SH3RF3: variants seen among roughly 807,000 people sequenced by gnomAD.
SH3RF3 encodes the protein SH3 domain containing ring finger 3, also known as E3 ubiquitin-protein ligase SH3RF3.
Under a neutral mutation model 66.3 loss-of-function variants are expected in SH3RF3, and 29 were observed. The observed-to-expected ratio is 0.44, with a 90% CI of 0.33 to 0.60. The LOEUF (loss-of-function observed/expected upper bound fraction) is 0.60, where lower values mean the gene tolerates loss of function less well. Among genes scored for constraint, SH3RF3 ranks in the 20% least tolerant of loss-of-function variants. SH3RF3 has a pLI of 0.04. For missense variants in SH3RF3, 1,194 were observed against 1,190.9 expected, an observed-to-expected ratio of 1.00 and a Z score of -0.04; for synonymous variants, 583 against 532.0, an observed-to-expected ratio of 1.10 and a Z score of -1.32.
Position 109,456,163 on chromosome 2 carries a change from G to A in SH3RF3, c.2148+6674G>A, listed in dbSNP as rs116298231. Reference sequence around the variant, plus strand: ...GTCTCATGGTCAGCCATGGGCCATGGAAACCACCTCTGCCCTGGCCACTTG... The same window carrying A: ...GTCTCATGGTCAGCCATGGGCCATGAAAACCACCTCTGCCCTGGCCACTTG... On this transcript the variant is annotated intron_variant, in intron 8 of 9. Transcript: ENST00000309415. Among the ~76,000 whole-genome samples, 727 of 152,314 alleles carry A rather than the reference G, an allele frequency of 4.8e-3. 4 individuals carry two copies. Among genetic ancestry groups the A allele is most frequent in the African/African-American group, 0.017 (694 of 41,576 alleles).
chr2:109,363,311 G>A (rs150345042), intron 2 of SH3RF3, among the ~76,000 whole-genome samples: 5 of 152,120 alleles, frequency 3.3e-5, no homozygotes, highest in African/African-American at 1.2e-4. Flanking sequence ...TCAAATAACT[G>A]TGCTGCTTTG....
chr2:109,432,072 A>T (rs771490485), intron 5 of SH3RF3, among the ~76,000 whole-genome samples: 47 of 152,170 alleles, frequency 3.1e-4, no homozygotes, highest in Admixed American at 6.5e-4. Flanking sequence ...AGCTTAGCTC[A>T]CCCTCAGTTT....
In SH3RF3 at chr2:109,347,792, G is replaced by C. The variant is rs1467245389; in HGVS notation, c.692G>C (p.Trp231Ser). 22 of 1,613,978 alleles carry C rather than the reference G, an allele frequency of 1.4e-5. No homozygotes were observed. Among genetic ancestry groups the C allele is most frequent in the Non-Finnish European group, 1.9e-5 (22 of 1,179,872 alleles). The stretch of plus-strand genomic sequence containing the variant: ...CTGCGGCGCAAGGTGGATGAACAGT[G>C]GTACCACGGCGAGCTGCACGGCACA... Reference protein sequence around the residue: ...IVLRRKVDEQWYHGELHGTQG... With the variant: ...IVLRRKVDEQSYHGELHGTQG... The change falls in exon 2 of 10, where the codon TGG (tryptophan) becomes TCG (serine). Residue 231 changes from tryptophan (W) to serine (S), a missense_variant. Coordinates refer to ENST00000309415, the MANE Select transcript of SH3RF3 (RefSeq NM_001099289.3).
intron 1 of SH3RF3, among the ~76,000 whole-genome samples, chr2:109,285,767 G>T (rs1172496084): frequency 6.6e-6 from 1 of 152,236 alleles, no homozygotes; most frequent in Non-Finnish European, 1.5e-5. Flanking sequence ...CCTGGATCCA[G>T]ACCTGGCAGG....
intron 1 of SH3RF3, among the ~76,000 whole-genome samples, chr2:109,302,274 A>AT (rs35786699): frequency 0.31 from 46,984 of 152,064 alleles, 8,726 homozygotes; most frequent in East Asian, 0.9. Flanking sequence ...ATCCTGGGGC[A>AT]TTTTTTTGTG....
chr2:109,344,196 A>C (rs746205818), intron 1 of SH3RF3, among the ~76,000 whole-genome samples: 3 of 152,206 alleles, frequency 2.0e-5, no homozygotes, highest in Non-Finnish European at 4.4e-5. Context: ...TGAACAGCAT[A>C]GTCTCTTCCT....
At chr2:109,130,143 C>T (rs116528204) in intron 1 of SH3RF3, 30 bp downstream of exon 1, 34,196 of 1,280,724 alleles carry the variant, frequency 0.027, 577 homozygotes, top group Non-Finnish European at 0.029. Context: ...GAAGTGGCCA[C>T]GGCACGTGGG....
intron 8 of SH3RF3, among the ~76,000 whole-genome samples, chr2:109,451,610 A>G (rs1268632032): frequency 6.6e-6 from 1 of 152,258 alleles, no homozygotes; most frequent in Non-Finnish European, 1.5e-5. Context: ...AATGAACACC[A>G]GCTGAGTCTG....
chr2:109,462,178 G>T (rs898347549), intron 8 of SH3RF3, among the ~76,000 whole-genome samples: 2 of 149,364 alleles, frequency 1.3e-5, no homozygotes, highest in Non-Finnish European at 3.0e-5. Context: ...AATGTCATGG[G>T]CCATCTCGTA....
chr2:109,284,102 A>G (rs1170787705), intron 1 of SH3RF3, among the ~76,000 whole-genome samples: 1 of 152,080 alleles, frequency 6.6e-6, no homozygotes, highest in African/African-American at 2.4e-5. Context: ...ATCCACCGTA[A>G]TGAAAGACCT....
rs138435734 is a variant in SH3RF3 at position 109,489,685 on chromosome 2, T to C, written c.2149-920T>C. On this transcript the variant is annotated intron_variant, in intron 8 of 9. Coordinates refer to ENST00000309415, the MANE Select transcript of SH3RF3 (RefSeq NM_001099289.3). ...GGCCTCGGGGCCTATTTTGGACATT[T>C]CTGCTAGATTTTGGAAGAGAAAGGA... Among the ~76,000 whole-genome samples the C allele has an allele frequency of 1.9e-3, 271 of 145,770 alleles. 1 individual carries two copies. The highest frequency in any genetic ancestry group is 6.7e-3 in the African/African-American group (261 of 39,066).
chr2:109,466,496 T>C (rs998679627), intron 8 of SH3RF3, among the ~76,000 whole-genome samples: 1 of 152,226 alleles, frequency 6.6e-6, no homozygotes, highest in African/African-American at 2.4e-5. Flanking sequence ...ACCACAGTGG[T>C]CTTTTGCAAA....
chr2:109,291,033 C>T (rs969116768), intron 1 of SH3RF3, among the ~76,000 whole-genome samples: 1 of 152,218 alleles, frequency 6.6e-6, no homozygotes, highest in Non-Finnish European at 1.5e-5. Flanking sequence ...GTCATACATT[C>T]TCATGTGCTG....
intron 1 of SH3RF3, among the ~76,000 whole-genome samples, chr2:109,163,659 A>C (rs536767215): frequency 5.9e-5 from 9 of 151,982 alleles, no homozygotes; most frequent in Non-Finnish European, 1.2e-4. Context: ...TCGGCCTCCC[A>C]AAGTGCTGGG....
chr2:109,186,901 C>T (rs1678201978), intron 1 of SH3RF3, among the ~76,000 whole-genome samples: 1 of 152,190 alleles, frequency 6.6e-6, no homozygotes, highest in Admixed American at 6.5e-5. Context: ...CATATATTCA[C>T]CCAGTTTATA....
chr2:109,201,667 C>T (rs1183586446), intron 1 of SH3RF3, among the ~76,000 whole-genome samples: 1 of 152,210 alleles, frequency 6.6e-6, no homozygotes. Context: ...AAGTGTCTGC[C>T]CACTTCTCCA....
chr2:109,367,557 C>T lies in SH3RF3; in HGVS notation c.850-4029C>T, dbSNP rs1683175182. Among the ~76,000 whole-genome samples, 6 of 152,208 alleles carry T rather than the reference C, an allele frequency of 3.9e-5. No individual in the cohort carries two copies. In the South Asian group the frequency reaches 1.2e-3, roughly 31 times the overall value. On this transcript the variant is annotated intron_variant, in intron 2 of 9. Transcript: ENST00000309415. ...TCGGCCTCCCAAAGTGCTGGGATTA[C>T]AGGCATGAGCCACTGTGCCTGGCCT...
chr2:109,395,182 C>A (rs1312389648), intron 3 of SH3RF3, among the ~76,000 whole-genome samples: 1 of 152,234 alleles, frequency 6.6e-6, no homozygotes, highest in Non-Finnish European at 1.5e-5. Context: ...TACTCGCATG[C>A]CTGTGTGAGT....
chr2:109,255,898 C>G (rs1296281714), intron 1 of SH3RF3, among the ~76,000 whole-genome samples: 1 of 152,236 alleles, frequency 6.6e-6, no homozygotes, highest in Non-Finnish European at 1.5e-5. Flanking sequence ...CTCCCTGCTT[C>G]TGTCCTGCAG....
Sources: allele counts gnomAD v4.1 joint callset (sites outside exome capture counted in the v4.1 genomes callset), GRCh38; gene constraint gnomAD v4.1.1; transcripts MANE v1.5; gene names NCBI Gene and HGNC (gene_info 2026-07-23, HGNC 2026-07-21).